Variants in MXRA8 observed in about 807,000 individuals in gnomAD.
MXRA8 encodes the protein matrix remodeling-associated protein 8.
MXRA8 carries 44 observed loss-of-function variants against 51.4 expected under a neutral mutation model. The ratio of observed to expected loss-of-function variants is 0.86; its 90% CI spans 0.67 to 1.10. MXRA8 has a LOEUF of 1.10. MXRA8 is among the 50% of genes least tolerant of loss of function. MXRA8 has a pLI of 0.00. For missense variants in MXRA8, 765 were observed against 638.9 expected, an observed-to-expected ratio of 1.20 and a Z score of -2.13; for synonymous variants, 369 against 293.5, an observed-to-expected ratio of 1.26 and a Z score of -2.63.
chr1:1,363,153 T>G (rs4596826), upstream of MXRA8, among the ~76,000 whole-genome samples: 116,810 of 151,512 alleles, frequency 0.77, 48,831 homozygotes, highest in Non-Finnish European at 0.94. Context: ...TGTGGTGGTG[T>G]GCACCTGTAG....
At chr1:1,360,507 T>TGGGGGGGGGGGGGGGC (rs75605518), upstream of MXRA8, among the ~76,000 whole-genome samples, 1 of 147,848 alleles carries the variant, frequency 6.8e-6, no homozygotes, top group African/African-American at 2.5e-5. Flanking sequence ...CGCTGGGGGG[T>TGGGGGGGGGGGGGGGC]GGTCTGCAGA....
chr1:1,359,790 G>A (rs531312661), upstream of MXRA8, among the ~76,000 whole-genome samples: 1 of 152,322 alleles, frequency 6.6e-6, no homozygotes, highest in Admixed American at 6.5e-5. Flanking sequence ...TTCCAAACTG[G>A]CTTCAGGGCT....
At chr1:1,356,755 C>T in intron 1 of MXRA8, 51 bp from the exon 2 acceptor site, 1 of 1,331,552 alleles carries the variant, frequency 7.5e-7, no homozygotes. Context: ...CCACCCAGCC[C>T]CGAGACCCCC....
At chr1:1,361,448 C>A, upstream of MXRA8, 1 of 625,132 alleles carries the variant, frequency 1.6e-6, no homozygotes. Context: ...CGGGGGGCGC[C>A]CAGGCTGGAG....
chr1:1,362,497 C>T (rs145044747), upstream of MXRA8, among the ~76,000 whole-genome samples: 336 of 151,808 alleles, frequency 2.2e-3, 1 homozygote, highest in African/African-American at 7.8e-3. Flanking sequence ...CACAAAGTCT[C>T]GGCCAGGCAA....
chr1:1,357,821 C>T (rs987854479), intron 1 of MXRA8, among the ~76,000 whole-genome samples: 2 of 152,168 alleles, frequency 1.3e-5, no homozygotes, highest in East Asian at 3.9e-4. Flanking sequence ...AAAAAATTCC[C>T]TGAGGGAAAC....
rs761167093 is a variant in MXRA8 at position 1,355,257 on chromosome 1, C to T, written c.465G>A (p.Glu155=). The T allele has an allele frequency of 1.3e-6, 2 of 1,565,728 alleles. No homozygotes were observed. Among genetic ancestry groups the T allele is most frequent in the East Asian group, 5.1e-5 (2 of 39,024 alleles). The change falls in exon 4 of 10, where the codon GAG becomes GAA. Residue 155 remains glutamate, a synonymous_variant. Transcript: ENST00000309212. ...HLYESLAVRL[E]VTDGPPATPA... ...GGAAGCACTCACGGCCGTCGGTGACCTCCAGGCGGACGGCCAGGCTCTCGT... is the reference window on the plus strand; with the variant it reads ...GGAAGCACTCACGGCCGTCGGTGACTTCCAGGCGGACGGCCAGGCTCTCGT...
chr1:1,356,964 G>T (rs1355716848), intron 1 of MXRA8, among the ~76,000 whole-genome samples: 2 of 152,172 alleles, frequency 1.3e-5, no homozygotes, highest in Non-Finnish European at 1.5e-5. Context: ...GCCGGTTCTG[G>T]GGTGTGTGCT....
chr1:1,359,584 G>A (rs1644194217), upstream of MXRA8: 8 of 985,182 alleles, frequency 8.1e-6, no homozygotes, highest in South Asian at 4.7e-5. Flanking sequence ...CCCTGCTCTG[G>A]TGCCCAAGTC....
rs770467449 is a variant in MXRA8, at chr1:1,355,584, C to G, written c.242G>C (p.Gly81Ala). Residue 81 changes from glycine (G) to alanine (A), a missense_variant, in exon 3 of 10, where the codon GGG becomes GCG. Gly to Ala is a moderately conservative substitution (Grantham distance 60). Transcript: ENST00000309212. ...CAGCAGGCGCCGCGCGGGGCCACCC[C>G]CGGGGCCGCGCAGGTCCCAGTGGAG... ...RVLHWDLRGP[G>A]GGPARRLLDL... 1.2e-5 allele frequency: 18 copies of G among 1,478,608 alleles called. No individual in the cohort carries two copies. Among genetic ancestry groups the G allele is most frequent in the African/African-American group, 8.8e-5 (6 of 68,262 alleles). The allele number at this position is 1,478,608 out of a possible 1,614,324, so 91.6% of individuals were successfully genotyped here.
chr1:1,362,749 C>T (rs1260074390), upstream of MXRA8, among the ~76,000 whole-genome samples: 1 of 144,668 alleles, frequency 6.9e-6, no homozygotes. Flanking sequence ...CCGTTGCATT[C>T]CAGCCTGGGA....
chr1:1,355,781 AG>A, intron 2 of MXRA8, 29 bp from the exon 3 acceptor site: 2 of 411,606 alleles, frequency 4.9e-6, no homozygotes, highest in Middle Eastern at 6.6e-4. Flanking sequence ...CGGTGGGGGA[AG>A]GGGTGGGCCC....
chr1:1,362,812 G>A (rs576072605), upstream of MXRA8, among the ~76,000 whole-genome samples: 12 of 150,564 alleles, frequency 8.0e-5, no homozygotes, highest in South Asian at 8.4e-4. Context: ...GGTTGGGCGC[G>A]GTGGCTCACA....
At chr1:1,361,135 A>G (rs960933495), upstream of MXRA8, 5 of 699,248 alleles carry the variant, frequency 7.2e-6, no homozygotes, top group Non-Finnish European at 1.3e-5. Flanking sequence ...AGACACACGG[A>G]CACACAGAGA....
chr1:1,363,166 C>T (rs1041616741), upstream of MXRA8, among the ~76,000 whole-genome samples: 12 of 152,146 alleles, frequency 7.9e-5, 1 homozygote, highest in East Asian at 1.8e-3. Context: ...ACCTGTAGTC[C>T]GAGCTACTCC....
upstream of MXRA8, chr1:1,359,641 G>T: frequency 1.1e-6 from 1 of 932,102 alleles, no homozygotes; most frequent in Non-Finnish European, 1.3e-6. Flanking sequence ...TGGTCTCAGG[G>T]CGAGGGGAGG....
chr1:1,361,528 G>A (rs879595805), upstream of MXRA8: 63 of 540,182 alleles, frequency 1.2e-4, 1 homozygote, highest in South Asian at 4.9e-4. Flanking sequence ...CTGAGGACGC[G>A]GCTTCCAGGC....
chr1:1,354,468 CGATGACATT>C lies in MXRA8; in HGVS notation c.982_990del (p.Asn328_Ile330del). On this transcript the variant is annotated inframe_deletion, in exon 6 of 10. Coordinates refer to ENST00000309212, the MANE Select transcript of MXRA8 (RefSeq NM_032348.4). ...AAGAAGTGGGCTCGGCTCTCGGGGA[CGATGACATT>C]GATGACGTTGTGGCCGCGCGCCAGT... The C allele has an allele frequency of 6.2e-7, 1 of 1,612,408 alleles. No individual in the cohort carries two copies. Among genetic ancestry groups the C allele is most frequent in the Non-Finnish European group, 8.5e-7 (1 of 1,179,838 alleles).
At chr1:1,362,791 A>ATTT (rs1335745930), upstream of MXRA8, among the ~76,000 whole-genome samples, 2,482 of 144,320 alleles carry the variant, frequency 0.017, 84 homozygotes, top group African/African-American at 0.06. Flanking sequence ...AAAAAAAAAA[A>ATTT]AAAAAAAAAG....
Sources: allele counts gnomAD v4.1 joint callset (sites outside exome capture counted in the v4.1 genomes callset), GRCh38; gene constraint gnomAD v4.1.1; transcripts MANE v1.5; gene names NCBI Gene and HGNC (gene_info 2026-07-23, HGNC 2026-07-21).